CHST15: variants seen among roughly 807,000 people sequenced by gnomAD.
CHST15 encodes the protein carbohydrate sulfotransferase 15.
CHST15 carries 30 observed loss-of-function variants against 53.6 expected under a neutral mutation model. The observed-to-expected ratio is 0.56, with a 90% CI of 0.42 to 0.76. CHST15 has a LOEUF of 0.76. CHST15 is among the 30% of genes least tolerant of loss of function. The pLI is 0.00. For synonymous variants in CHST15, 296 were observed against 289.8 expected (o/e 1.02, Z -0.22); for missense variants, 627 against 740.5 (o/e 0.85, Z 1.78).
chr10:124,086,701 G>A (rs147073882), intron 1 of CHST15, among the ~76,000 whole-genome samples: 2 of 151,486 alleles, frequency 1.3e-5, no homozygotes, highest in African/African-American at 4.9e-5. Context: ...CTCTCCATAG[G>A]TTTAGACCTC....
intron 1 of CHST15, among the ~76,000 whole-genome samples, chr10:124,087,649 G>C (rs1167787293): frequency 6.6e-6 from 1 of 152,190 alleles, no homozygotes; most frequent in Non-Finnish European, 1.5e-5. Context: ...CCTGGGCCAC[G>C]ATAAGTTCTA....
At chr10:124,021,796 T>C (rs149498108) in intron 5 of CHST15, among the ~76,000 whole-genome samples, 8 of 152,298 alleles carry the variant, frequency 5.3e-5, no homozygotes, top group Non-Finnish European at 1.2e-4. Context: ...TTCTCATTCC[T>C]CTCTCCTCTA....
At chr10:124,012,129 C>A (rs1486301466) in intron 7 of CHST15, among the ~76,000 whole-genome samples, 3 of 152,152 alleles carry the variant, frequency 2.0e-5, no homozygotes, top group African/African-American at 7.2e-5. Context: ...CCAGAGAATC[C>A]CTCACCATAC....
intron 1 of CHST15, among the ~76,000 whole-genome samples, chr10:124,048,343 G>A (rs568818989): frequency 1.6e-4 from 24 of 152,296 alleles, no homozygotes; most frequent in African/African-American, 5.5e-4. Flanking sequence ...ATCTCACTAG[G>A]GTATCAAGGA....
intron 1 of CHST15, among the ~76,000 whole-genome samples, chr10:124,059,686 T>C (rs1394009553): frequency 3.9e-5 from 6 of 152,124 alleles, no homozygotes; most frequent in Non-Finnish European, 5.9e-5. Flanking sequence ...AGATGCACGA[T>C]GCACCCTAGA....
chr10:124,012,290 G>C lies in CHST15; in HGVS notation c.1495+43C>G, dbSNP rs368129536. The C allele has an allele frequency of 2.1e-5, 33 of 1,589,914 alleles. No individual in the cohort carries two copies. In the African/African-American group the frequency reaches 3.9e-4, roughly 19 times the overall value. ...AGAGGACTCCCAGAACAAGTCCACG[G>C]AGCTCATGCTTTGGCCCGTCAGTCT... On this transcript the variant is annotated intron_variant, in intron 7 of 7. Transcript: ENST00000435907.
intron 1 of CHST15, among the ~76,000 whole-genome samples, chr10:124,066,154 A>G (rs998276684): frequency 6.6e-5 from 10 of 152,148 alleles, no homozygotes; most frequent in African/African-American, 2.4e-4. Flanking sequence ...CATTTAATCA[A>G]TTTGAGAGAT....
In CHST15 at chr10:124,019,071, G is replaced by A. The variant is rs546780507; in HGVS notation, c.1347+2185C>T. 5.7e-4 allele frequency among the ~76,000 whole-genome samples: 87 copies of A among 152,258 alleles called. No homozygotes were observed. The highest frequency in any genetic ancestry group is 1.9e-3 in the African/African-American group (78 of 41,544). On this transcript the variant is annotated intron_variant, in intron 6 of 7. Transcript: ENST00000435907. The surrounding 1 kb of genome is among the most constrained non-coding windows in gnomAD (Gnocchi z 4.6). ...TGCCAGGACTGAAGGTCCTCCATGC[G>A]AGGCCTGCAGGATGGAAGAGCCACC...
At chr10:124,012,527 C>A (rs759178693) in intron 6 of CHST15, 47 bp from the exon 7 acceptor site, 1 of 1,565,222 alleles carries the variant, frequency 6.4e-7, no homozygotes, top group African/African-American at 1.4e-5. Context: ...GTTGCCCCAA[C>A]ACCATAGGGC....
chr10:124,010,035 C>A lies in CHST15; in HGVS notation c.*114G>T. ...TATAATTCATGTGTGCCTAGAGTGG[C>A]AGAGTCCTGGGGTTTTCCATACCAT... is the stretch of plus-strand genomic sequence containing the variant. On this transcript the variant is annotated 3_prime_UTR_variant, in exon 8 of 8. Coordinates refer to ENST00000435907, the MANE Select transcript of CHST15 (RefSeq NM_001270764.2). 2 of 1,572,342 alleles carry A rather than the reference C, an allele frequency of 1.3e-6. No individual in the cohort carries two copies. Among genetic ancestry groups the A allele is most frequent in the Non-Finnish European group, 8.6e-7 (1 of 1,161,468 alleles).
intron 1 of CHST15, among the ~76,000 whole-genome samples, chr10:124,087,846 TA>T (rs1162994958): frequency 6.6e-6 from 1 of 152,120 alleles, no homozygotes; most frequent in Non-Finnish European, 1.5e-5. Context: ...TTGCATCAAA[TA>T]TGGGCACAGC....
intron 5 of CHST15, among the ~76,000 whole-genome samples, chr10:124,030,426 A>G (rs1435993109): frequency 6.6e-6 from 1 of 152,216 alleles, no homozygotes; most frequent in East Asian, 1.9e-4. Flanking sequence ...TAGTCCTCAC[A>G]AGGACCCTTG....
intron 1 of CHST15, among the ~76,000 whole-genome samples, chr10:124,053,190 A>G (rs945007984): frequency 1.3e-5 from 2 of 152,208 alleles, no homozygotes; most frequent in African/African-American, 4.8e-5. Context: ...CCATGTTCAC[A>G]TTCTTTGCCA....
intron 5 of CHST15, among the ~76,000 whole-genome samples, 163 bp downstream of exon 5, chr10:124,038,352 C>T (rs1391983042): frequency 6.6e-6 from 1 of 152,136 alleles, no homozygotes. Flanking sequence ...GCGATCCACC[C>T]ACCCCGGCCT....
intron 1 of CHST15, among the ~76,000 whole-genome samples, chr10:124,091,143 A>G (rs1247445980): frequency 2.6e-5 from 4 of 152,218 alleles, no homozygotes; most frequent in Non-Finnish European, 4.4e-5. Flanking sequence ...AACTTGGGGG[A>G]GAAAAACTTG....
chr10:124,079,946 T>C (rs966028066), intron 1 of CHST15, among the ~76,000 whole-genome samples: 2 of 152,236 alleles, frequency 1.3e-5, no homozygotes, highest in African/African-American at 4.8e-5. Context: ...TATTTCGGTC[T>C]TGTTTTTATG....
intron 6 of CHST15, chr10:124,020,261 C>A (rs1369944239): frequency 1.0e-6 from 1 of 985,430 alleles, no homozygotes; most frequent in Non-Finnish European, 1.2e-6. Context: ...AAGGCTGAGA[C>A]AACTGCCTAG....
At chr10:124,038,144 A>T (rs4929827) in intron 5 of CHST15, among the ~76,000 whole-genome samples, 29,900 of 149,730 alleles carry the variant, frequency 0.2, 3,833 homozygotes, top group Non-Finnish European at 0.28. Context: ...TCTCACTCTG[A>T]CACCCAGGCT....
intron 6 of CHST15, 93 bp downstream of exon 6, chr10:124,021,163 A>G (rs1412721500): frequency 7.9e-6 from 12 of 1,516,582 alleles, no homozygotes; most frequent in Non-Finnish European, 1.1e-5. Context: ...CTATGCTGAA[A>G]CGCAAACCCA....
Sources: allele counts gnomAD v4.1 joint callset (sites outside exome capture counted in the v4.1 genomes callset), GRCh38; gene constraint gnomAD v4.1.1; non-coding constraint Gnocchi (gnomAD v3.1); transcripts MANE v1.5; gene names NCBI Gene and HGNC (gene_info 2026-07-23, HGNC 2026-07-21).